Variants in SYT16 observed in about 807,000 individuals in gnomAD.
SYT16 encodes synaptotagmin-16.
SYT16 carries 42 observed loss-of-function variants against 61.4 expected under a neutral mutation model. That is an observed-to-expected ratio of 0.68 (90% CI 0.53 to 0.89). SYT16 has a LOEUF of 0.89. Among genes scored for constraint, SYT16 ranks in the 40% least tolerant of loss-of-function variants. The pLI is 0.00. For synonymous variants in SYT16, 314 were observed against 302.3 expected, an observed-to-expected ratio of 1.04 and a Z score of -0.40; for missense variants, 804 against 807.3, an observed-to-expected ratio of 1.00 and a Z score of 0.05.
intron 1 of SYT16, among the ~76,000 whole-genome samples, chr14:61,872,974 A>G (rs576171714): frequency 2.0e-4 from 31 of 152,242 alleles, no homozygotes; most frequent in Admixed American, 1.6e-3. Flanking sequence ...TGAGACTCAT[A>G]TTAAAACGTT....
intron 1 of SYT16, among the ~76,000 whole-genome samples, chr14:61,931,332 A>T (rs2049756875): frequency 6.6e-6 from 1 of 152,218 alleles, no homozygotes; most frequent in Admixed American, 6.5e-5. Context: ...TAGGGACAGG[A>T]TGGAGCCAAC....
At chr14:62,079,449 T>C (rs2056628071) in intron 5 of SYT16, 1 of 722,096 alleles carries the variant, frequency 1.4e-6, no homozygotes, top group Non-Finnish European at 1.9e-6. Context: ...CATTTTACAG[T>C]TGAGGAAAAT....
chr14:62,022,449 T>C (rs1270366784), intron 3 of SYT16, among the ~76,000 whole-genome samples: 2 of 152,132 alleles, frequency 1.3e-5, no homozygotes, highest in Non-Finnish European at 2.9e-5. Context: ...TTCTGCGAGT[T>C]CTCTTTGTTT....
At chr14:61,843,169 G>C (rs374409680) in intron 1 of SYT16, among the ~76,000 whole-genome samples, 1 of 151,742 alleles carries the variant, frequency 6.6e-6, no homozygotes, top group South Asian at 2.1e-4. Context: ...ACTGTTCTTC[G>C]TAGTTATTGT....
chr14:61,986,624 C>T (rs1269877965), intron 2 of SYT16, among the ~76,000 whole-genome samples: 1 of 151,942 alleles, frequency 6.6e-6, no homozygotes. Flanking sequence ...ACAACAGGCC[C>T]CGGTGTGTGA....
rs12433555 is a variant in SYT16 at position 61,995,503 on chromosome 14, G to A, written c.-144-373G>A. 5.0e-3 allele frequency among the ~76,000 whole-genome samples: 767 copies of A among 152,166 alleles called. 32 individuals are homozygous for A. Among genetic ancestry groups the A allele is most frequent in the Admixed American group, 0.043 (662 of 15,266 alleles). ...GAGATGCTTATTAGTCAGCTCTTTG[G>A]GATCTGCAGGTTTGTAGATGAAACA... On this transcript the variant is annotated intron_variant, in intron 2 of 7. Transcript: ENST00000683842.
At chr14:61,828,119 C>T (rs1044921464) in intron 1 of SYT16, among the ~76,000 whole-genome samples, 3 of 152,178 alleles carry the variant, frequency 2.0e-5, no homozygotes, top group East Asian at 1.9e-4. Context: ...AGAAGATGGC[C>T]GCCTACAAGC....
intron 1 of SYT16, among the ~76,000 whole-genome samples, chr14:61,903,438 C>T (rs768462569): frequency 1.2e-4 from 18 of 152,188 alleles, no homozygotes; most frequent in Non-Finnish European, 2.4e-4. Flanking sequence ...AAATGTCTGT[C>T]TCCCTTCGTG....
intron 3 of SYT16, among the ~76,000 whole-genome samples, chr14:62,032,966 A>T (rs1340253247): frequency 6.6e-6 from 1 of 152,036 alleles, no homozygotes; most frequent in Admixed American, 6.6e-5. Flanking sequence ...TGTTAAATGC[A>T]AATCTAATAC....
At chr14:61,971,711 GATA>G (rs2051565529) in intron 2 of SYT16, among the ~76,000 whole-genome samples, 1 of 152,236 alleles carries the variant, frequency 6.6e-6, no homozygotes, top group South Asian at 2.1e-4. Context: ...ATCTCTGTGA[GATA>G]ATAATAATGG....
chr14:62,053,427 C>G (rs566894757), intron 3 of SYT16, among the ~76,000 whole-genome samples: 1 of 152,322 alleles, frequency 6.6e-6, no homozygotes, highest in Admixed American at 6.5e-5. Context: ...AACTACATCA[C>G]TGGCTTTCTT....
chr14:61,972,806 A>G (rs2051617659), intron 2 of SYT16, among the ~76,000 whole-genome samples: 1 of 152,132 alleles, frequency 6.6e-6, no homozygotes, highest in Non-Finnish European at 1.5e-5. Context: ...TTTTGCCACT[A>G]ATTGGCCACG....
intron 1 of SYT16, among the ~76,000 whole-genome samples, chr14:61,896,636 A>C (rs577113185): frequency 2.4e-4 from 36 of 152,344 alleles, no homozygotes; most frequent in African/African-American, 8.2e-4. Context: ...AAAGAAATAG[A>C]GGTTTTTGGA....
chr14:61,848,438 C>G (rs914150773), intron 1 of SYT16, among the ~76,000 whole-genome samples: 4 of 152,174 alleles, frequency 2.6e-5, no homozygotes, highest in Non-Finnish European at 5.9e-5. Flanking sequence ...CTCTCTCTCT[C>G]TCTGTGCTGA....
Position 61,870,207 on chromosome 14 carries a change from C to G in SYT16, c.-325+57397C>G, listed in dbSNP as rs145929363. Among the ~76,000 whole-genome samples, 314 of 152,184 alleles carry G rather than the reference C, an allele frequency of 2.1e-3. 3 individuals are homozygous for G. The highest frequency in any genetic ancestry group is 8.6e-3 in the Admixed American group (131 of 15,270). On this transcript the variant is annotated intron_variant, in intron 1 of 7. Coordinates refer to ENST00000683842, the MANE Select transcript of SYT16 (RefSeq NM_001367656.1). ...TTTTGCATGTCTGAAAAAGTATTTA[C>G]TTTCATTTTTGAAGGATATTTTTGC...
chr14:62,006,354 A>G (rs2140678979), intron 3 of SYT16, among the ~76,000 whole-genome samples: 1 of 152,290 alleles, frequency 6.6e-6, no homozygotes, highest in South Asian at 2.1e-4. Flanking sequence ...GAAAAGCAGC[A>G]TTTTAATCGG....
intron 7 of SYT16, among the ~76,000 whole-genome samples, chr14:62,093,714 A>G (rs2057172986): frequency 6.6e-6 from 1 of 152,176 alleles, no homozygotes; most frequent in Admixed American, 6.5e-5. Context: ...ATTAAAAAAT[A>G]AAATTTTTGA....
At chr14:62,100,098 A>G (rs745491745) in intron 7 of SYT16, among the ~76,000 whole-genome samples, 21 of 152,260 alleles carry the variant, frequency 1.4e-4, no homozygotes, top group Admixed American at 1.2e-3. Context: ...GCACCATTGC[A>G]CGTATGCCTG....
At chr14:61,817,457 A>T (rs2140208678) in intron 1 of SYT16, among the ~76,000 whole-genome samples, 1 of 152,120 alleles carries the variant, frequency 6.6e-6, no homozygotes, top group African/African-American at 2.4e-5. Flanking sequence ...ACAAACTGAT[A>T]TCCTGTACTT....
Sources: gnomAD v4.1 joint callset for allele counts (sites outside exome capture counted in the v4.1 genomes callset) on GRCh38, gnomAD v4.1.1 for gene constraint, MANE v1.5 for transcripts, NCBI Gene and HGNC (gene_info 2026-07-23, HGNC 2026-07-21) for gene names.